Variants in FCRL5 observed in about 807,000 individuals in gnomAD.
FCRL5 encodes Fc receptor like 5.
In FCRL5, 79 loss-of-function variants were observed where a neutral mutation model predicts 92.1. The observed-to-expected ratio is 0.86, with a 90% CI of 0.72 to 1.03. The LOEUF (loss-of-function observed/expected upper bound fraction) is 1.03, where lower values mean the gene tolerates loss of function less well. Ranked by LOEUF, FCRL5 falls within the 50% of genes least tolerant of loss-of-function variation. FCRL5 has a pLI of 0.00. For synonymous variants in FCRL5, 466 were observed against 469.3 expected, an observed-to-expected ratio of 0.99 and a Z score of 0.09; for missense variants, 1,160 against 1,181.1, an observed-to-expected ratio of 0.98 and a Z score of 0.26.
In FCRL5 at chr1:157,521,079, G is replaced by A. The variant is rs754338427; in HGVS notation, c.2453C>T (p.Ser818Phe). 38 of 1,614,086 alleles carry A rather than the reference G, an allele frequency of 2.4e-5. No individual in the cohort carries two copies. The highest frequency in any genetic ancestry group is 2.8e-5 in the Non-Finnish European group (33 of 1,180,044). The change falls in exon 11 of 17, where the codon TCC becomes TTC. Residue 818 changes from serine (S) to phenylalanine (F), a missense_variant. Physicochemically the swap from Ser to Phe is radical, Grantham distance 155 (BLOSUM62 -2). Transcript: ENST00000361835. ...SLTAEHSGNY[S>F]CEADNGLGAQ... The stretch of plus-strand genomic sequence containing the variant: ...CCCGAGGCCATTGTCGGCCTCACAG[G>A]AGTAGTTTCCAGAGTGCTCTGCAGT...
chr1:157,516,003 C>G (rs760654665), intron 15 of FCRL5, 130 bp from the exon 16 acceptor site: 1 of 977,926 alleles, frequency 1.0e-6, no homozygotes, highest in South Asian at 1.4e-5. Context: ...AGCCATTCCT[C>G]TTAGTTGGTG....
At chr1:157,520,991 C>A in intron 11 of FCRL5, 26 bp downstream of exon 11, 1 of 1,577,952 alleles carries the variant, frequency 6.3e-7, no homozygotes. Flanking sequence ...TTGTCCGCAT[C>A]TGTGGCCCGG....
Position 157,515,446 on chromosome 1 carries a change from C to T in FCRL5, c.*229G>A. ...GATGTGCTGGGCCCTGGAGTGGGAG[C>T]ACCTTGCCACTGGATTAAAAAACCT... On this transcript the variant is annotated 3_prime_UTR_variant, in exon 17 of 17. Transcript: ENST00000361835. 1 of 759,514 alleles carries T rather than the reference C, an allele frequency of 1.3e-6. No individual in the cohort carries two copies. Among genetic ancestry groups the T allele is most frequent in the Non-Finnish European group, 2.1e-6 (1 of 485,868 alleles). The allele number at this position is 759,514 out of a possible 1,614,324, so 47.0% of individuals were successfully genotyped here.
chr1:157,524,061 T>G, intron 10 of FCRL5: 1 of 522,930 alleles, frequency 1.9e-6, no homozygotes. Flanking sequence ...GTGAGGTGCT[T>G]TGATCATCTT....
intron 2 of FCRL5, among the ~76,000 whole-genome samples, chr1:157,548,396 A>G (rs1018944144): frequency 3.3e-5 from 5 of 150,918 alleles, no homozygotes; most frequent in Admixed American, 6.6e-5. Context: ...TGTCTAAAAC[A>G]CCAAAAGCAA....
chr1:157,518,856 G>C, intron 13 of FCRL5, 74 bp from the exon 14 acceptor site: 1 of 1,229,556 alleles, frequency 8.1e-7, no homozygotes, highest in Non-Finnish European at 1.1e-6. Context: ...CCTAGTGAGT[G>C]ACTTCTTACT....
At chr1:157,521,726 A>G (rs1650207171) in intron 10 of FCRL5, 1 of 154,070 alleles carries the variant, frequency 6.5e-6, no homozygotes, top group Non-Finnish European at 1.4e-5. Flanking sequence ...ACTTGGCAAT[A>G]TCTACAAAAT....
chr1:157,525,971 T>C (rs1004840525), intron 9 of FCRL5, among the ~76,000 whole-genome samples: 1 of 152,198 alleles, frequency 6.6e-6, no homozygotes, highest in African/African-American at 2.4e-5. Flanking sequence ...GATAGAAGTT[T>C]AGGAATCATT....
intron 7 of FCRL5, among the ~76,000 whole-genome samples, chr1:157,537,767 A>G (rs1651037446): frequency 6.6e-6 from 1 of 152,220 alleles, no homozygotes; most frequent in African/African-American, 2.4e-5. Context: ...TTCTGAGACC[A>G]GCTGACACTT....
chr1:157,524,410 A>T lies in FCRL5; in HGVS notation c.2108T>A (p.Ile703Asn). ...GGCCCCTCCTCCAGAGGGGGCTGAG[A>T]TCTTACCCAGGGTGACATCTTCATG... ...FYHEDVTLGK[I>N]SAPSGGGASF... The change falls in exon 10 of 17, where the codon ATC becomes AAC. Residue 703 changes from isoleucine (I) to asparagine (N), a missense_variant. Transcript: ENST00000361835. 1.2e-6 allele frequency: 2 copies of T among 1,614,206 alleles called. No homozygotes were observed. The highest frequency in any genetic ancestry group is 1.7e-6 in the Non-Finnish European group (2 of 1,180,024).
chr1:157,521,192 G>A lies in FCRL5; in HGVS notation c.2340C>T (p.Pro780=), dbSNP rs758822245. The A allele has an allele frequency of 1.5e-5, 24 of 1,614,012 alleles. No homozygotes were observed. The highest frequency in any genetic ancestry group is 1.9e-5 in the Non-Finnish European group (23 of 1,180,040). Residue 780 remains proline, a synonymous_variant, in exon 11 of 17, where the codon CCC becomes CCT. Coordinates refer to ENST00000361835, the MANE Select transcript of FCRL5 (RefSeq NM_031281.3). ...ELHCEALRGS[P]LILYRFFHED... The stretch of plus-strand genomic sequence containing the variant: ...CATGAAAAAACCGGTACAGGATCAG[G>A]GGAGAGCCTCTCAGGGCCTCACAGT...
At chr1:157,541,756 T>A (rs1651272360) in intron 6 of FCRL5, 1 of 152,256 alleles carries the variant, frequency 6.6e-6, no homozygotes, top group East Asian at 1.9e-4. Context: ...CTACGAACTG[T>A]GTGGGGAAGG....
intron 10 of FCRL5, chr1:157,524,050 A>T (rs1558128916): frequency 4.0e-6 from 2 of 498,622 alleles, no homozygotes; most frequent in Non-Finnish European, 7.1e-6. Context: ...TTGCATTTTT[A>T]GTGAGGTGCT....
In FCRL5 at chr1:157,534,637, T is replaced by G. The variant is rs1412883794; in HGVS notation, c.1658A>C (p.Glu553Ala). ...ACCAGTGACAAAAAGGCTCACCACT[T>G]CACTGCGCTGGGGACCAAAGCCATT... ...ADNGFGPQRS[E>A]VVSLFVTVPV... The change falls in exon 8 of 17, where the codon GAA (glutamate) becomes GCA (alanine). Residue 553 changes from glutamate to alanine, a missense_variant. Physicochemically the swap from Glu to Ala is moderately radical, Grantham distance 107. Coordinates refer to ENST00000361835, the MANE Select transcript of FCRL5 (RefSeq NM_031281.3). The G allele has an allele frequency of 5.6e-6, 9 of 1,614,204 alleles. No homozygotes were observed. Among genetic ancestry groups the G allele is most frequent in the Non-Finnish European group, 6.8e-6 (8 of 1,180,038 alleles).
chr1:157,528,856 C>A (rs1212144823), intron 8 of FCRL5, among the ~76,000 whole-genome samples: 1 of 152,112 alleles, frequency 6.6e-6, no homozygotes, highest in East Asian at 1.9e-4. Flanking sequence ...ACCATATAAA[C>A]CCTGGAATAT....
intron 10 of FCRL5, 93 bp from the exon 11 acceptor site, chr1:157,521,385 T>A: frequency 7.2e-7 from 1 of 1,385,570 alleles, no homozygotes; most frequent in Non-Finnish European, 9.6e-7. Flanking sequence ...AAGTCATATC[T>A]CAATCTTGGA....
intron 2 of FCRL5, 44 bp downstream of exon 2, chr1:157,549,516 C>T: frequency 6.3e-7 from 1 of 1,587,680 alleles, no homozygotes; most frequent in Non-Finnish European, 8.6e-7. Flanking sequence ...GGAAGAGACA[C>T]TCTTAACCAG....
chr1:157,534,976 T>A, intron 7 of FCRL5, 84 bp from the exon 8 acceptor site: 1 of 1,335,572 alleles, frequency 7.5e-7, no homozygotes, highest in Non-Finnish European at 1.0e-6. Context: ...ATGCCCAGTC[T>A]CCAGTACAGG....
chr1:157,545,211 C>CT (rs1265310670), intron 3 of FCRL5, 129 bp from the exon 4 acceptor site: 15 of 1,110,140 alleles, frequency 1.4e-5, no homozygotes, highest in East Asian at 5.3e-5. Flanking sequence ...ATTATCATTT[C>CT]TTTTTTTCTG....
Sources: allele counts gnomAD v4.1 joint callset (sites outside exome capture counted in the v4.1 genomes callset), GRCh38; gene constraint gnomAD v4.1.1; transcripts MANE v1.5; gene names NCBI Gene and HGNC (gene_info 2026-07-23, HGNC 2026-07-21).